SLC4A5: variants seen among roughly 807,000 people sequenced by gnomAD.
The protein encoded by SLC4A5 is solute carrier family 4 member 5.
Under a neutral mutation model 120.4 loss-of-function variants are expected in SLC4A5, and 96 were observed. The ratio of observed to expected loss-of-function variants is 0.80; its 90% CI spans 0.68 to 0.94. SLC4A5 has a LOEUF of 0.94. Among genes scored for constraint, SLC4A5 ranks in the 40% least tolerant of loss-of-function variants. The pLI is 0.00. For synonymous variants in SLC4A5, 550 were observed against 571.1 expected (o/e 0.96, Z 0.53); for missense variants, 1,259 against 1,459.5 (o/e 0.86, Z 2.24).
intron 7 of SLC4A5, among the ~76,000 whole-genome samples, chr2:74,300,338 C>T (rs1573077587): frequency 6.6e-6 from 1 of 152,106 alleles, no homozygotes; most frequent in African/African-American, 2.4e-5. Flanking sequence ...AGTGTTCTTA[C>T]CATACACTCG....
chr2:74,300,637 A>T (rs536608202), intron 7 of SLC4A5, among the ~76,000 whole-genome samples: 3 of 152,158 alleles, frequency 2.0e-5, no homozygotes, highest in Admixed American at 6.5e-5. Context: ...ACCTAGGCCT[A>T]TGTGCTCCTG....
At chr2:74,280,488 T>C (rs2104137947) in intron 8 of SLC4A5, among the ~76,000 whole-genome samples, 1 of 152,304 alleles carries the variant, frequency 6.6e-6, no homozygotes, top group Middle Eastern at 3.4e-3. Flanking sequence ...TTGCAGATAA[T>C]AAATATTAGT....
chr2:74,230,482 T>C (rs1670034195), intron 25 of SLC4A5, among the ~76,000 whole-genome samples: 1 of 152,132 alleles, frequency 6.6e-6, no homozygotes, highest in South Asian at 2.1e-4. Context: ...GCTCAGGTGA[T>C]CCTCCCGCCT....
At chr2:74,261,619 T>C (rs1160577117) in intron 11 of SLC4A5, among the ~76,000 whole-genome samples, 2 of 152,324 alleles carry the variant, frequency 1.3e-5, no homozygotes, top group East Asian at 3.9e-4. Context: ...ATGTAAAACC[T>C]GTCTGTCACC....
chr2:74,236,792 C>T (rs1177497710), intron 21 of SLC4A5, among the ~76,000 whole-genome samples: 1 of 152,098 alleles, frequency 6.6e-6, no homozygotes, highest in African/African-American at 2.4e-5. Context: ...TTCATATGGT[C>T]CAACCTAATC....
At chr2:74,216,848 A>AT (rs1408814551) in exon 31 of SLC4A5, 1 of 152,152 alleles carries the variant, frequency 6.6e-6, no homozygotes, top group Non-Finnish European at 1.5e-5. Flanking sequence ...ACCTCTGCTG[A>AT]TTCCCCCCAC....
At chr2:74,339,660 C>T (rs886511999) in intron 2 of SLC4A5, 2 of 152,196 alleles carry the variant, frequency 1.3e-5, no homozygotes, top group Middle Eastern at 3.2e-3. Context: ...GAGGTATTCC[C>T]TATTCAAGAA....
At chr2:74,328,584 A>G (rs1301620486) in intron 4 of SLC4A5, among the ~76,000 whole-genome samples, 2 of 152,158 alleles carry the variant, frequency 1.3e-5, no homozygotes, top group African/African-American at 4.8e-5. Context: ...CCTTATCTCA[A>G]GGTTGCCCAC....
chr2:74,220,790 A>G (rs1177192020), intron 30 of SLC4A5, among the ~76,000 whole-genome samples: 1 of 147,668 alleles, frequency 6.8e-6, no homozygotes, highest in Non-Finnish European at 1.5e-5. Flanking sequence ...TGCTGGGACT[A>G]CAGGCGTGAG....
At chr2:74,258,447 T>C (rs889251247) in intron 12 of SLC4A5, among the ~76,000 whole-genome samples, 5 of 152,248 alleles carry the variant, frequency 3.3e-5, no homozygotes, top group African/African-American at 4.8e-5. Flanking sequence ...AAACAGGTTA[T>C]AAAAAACTTT....
At chr2:74,235,781 G>A (rs1383108768) in intron 21 of SLC4A5, among the ~76,000 whole-genome samples, 1 of 151,778 alleles carries the variant, frequency 6.6e-6, no homozygotes, top group Admixed American at 6.6e-5. Flanking sequence ...CCCTTCCTAG[G>A]CCAGGTTCTG....
chr2:74,315,646 A>G (rs981375397), intron 5 of SLC4A5, among the ~76,000 whole-genome samples: 5 of 150,724 alleles, frequency 3.3e-5, no homozygotes, highest in African/African-American at 1.2e-4. Flanking sequence ...GCATATATAT[A>G]TGCGCCAGGT....
chr2:74,246,269 C>T (rs1310765780), intron 19 of SLC4A5, among the ~76,000 whole-genome samples: 10 of 152,208 alleles, frequency 6.6e-5, no homozygotes, highest in East Asian at 1.9e-4. Flanking sequence ...GGCAGATGGA[C>T]ATCCAGAGAG....
chr2:74,253,825 A>G (rs980428040), intron 14 of SLC4A5, among the ~76,000 whole-genome samples: 1 of 151,970 alleles, frequency 6.6e-6, no homozygotes, highest in Non-Finnish European at 1.5e-5. Flanking sequence ...TAGGCCAAAA[A>G]CTGTTCGAGA....
At chr2:74,221,912 G>A (rs1694664617) in intron 29 of SLC4A5, among the ~76,000 whole-genome samples, 1 of 152,064 alleles carries the variant, frequency 6.6e-6, no homozygotes. Flanking sequence ...CTCGGGACAG[G>A]CTATGTTGCC....
chr2:74,331,163 A>G (rs1212882430), intron 4 of SLC4A5, among the ~76,000 whole-genome samples: 1 of 147,308 alleles, frequency 6.8e-6, no homozygotes, highest in Non-Finnish European at 1.5e-5. Context: ...GGTGAGGTCT[A>G]AATGGAGGTA....
intron 8 of SLC4A5, among the ~76,000 whole-genome samples, chr2:74,267,163 C>T (rs1009834209): frequency 6.6e-6 from 1 of 152,188 alleles, no homozygotes; most frequent in Admixed American, 6.5e-5. Context: ...AGATTGACAA[C>T]TTCCTGTGTC....
intron 21 of SLC4A5, 36 bp downstream of exon 21, chr2:74,239,299 A>C (rs201440906): frequency 3.8e-4 from 602 of 1,597,468 alleles, no homozygotes; most frequent in Middle Eastern, 1.2e-3. Context: ...CAGCTGTCTG[A>C]CTGCAGGTCC....
Position 74,231,987 on chromosome 2 carries a change from C to T in SLC4A5, c.2774+482G>A, listed in dbSNP as rs751258900. On this transcript the variant is annotated intron_variant, in intron 24 of 30. Transcript: ENST00000394019. ...ATGTACTTCTCTGCCTACCATGGGG[C>T]GTGAGAGAAGAGGCAAGTGAAGGAA... is the stretch of plus-strand genomic sequence containing the variant. Among the ~76,000 whole-genome samples the T allele has an allele frequency of 5.3e-5, 8 of 152,086 alleles. No homozygotes were observed. In the East Asian group the frequency reaches 1.5e-3, roughly 29 times the overall value.
Sources: gnomAD v4.1 joint callset for allele counts (sites outside exome capture counted in the v4.1 genomes callset) on GRCh38, gnomAD v4.1.1 for gene constraint, MANE v1.5 for transcripts, NCBI Gene and HGNC (gene_info 2026-07-23, HGNC 2026-07-21) for gene names.